The following NFATC2 variants were observed in gnomAD, a reference collection of about 807,000 sequenced individuals.
NFATC2 encodes the protein nuclear factor of activated T cells 2.
NFATC2 carries 22 observed loss-of-function variants against 87.3 expected under a neutral mutation model. The observed-to-expected ratio is 0.25, with a 90% CI of 0.18 to 0.36. The LOEUF (loss-of-function observed/expected upper bound fraction) is 0.36, where lower values mean the gene tolerates loss of function less well. Ranked by LOEUF, NFATC2 falls within the 10% of genes least tolerant of loss-of-function variation. The pLI, the probability that NFATC2 is intolerant of heterozygous loss-of-function variation, is 1.00. For missense variants in NFATC2, 1,149 were observed against 1,259.1 expected (o/e 0.91, Z 1.32); for synonymous variants, 565 against 542.2 (o/e 1.04, Z -0.58).
chr20:51,466,206 C>T (rs1359434555), intron 5 of NFATC2, among the ~76,000 whole-genome samples: 1 of 152,188 alleles, frequency 6.6e-6, no homozygotes, highest in Non-Finnish European at 1.5e-5. Flanking sequence ...GTGTGCACCA[C>T]CACACCTGGC....
intron 1 of NFATC2, among the ~76,000 whole-genome samples, chr20:51,533,582 C>A (rs181534666): frequency 6.6e-6 from 1 of 152,312 alleles, no homozygotes; most frequent in Non-Finnish European, 1.5e-5. Context: ...GTCCATGGAA[C>A]CACTGGAAAA....
At chr20:51,391,482 G>C (rs1430763028) in intron 10 of NFATC2, 31 bp from the exon 11 acceptor site, 3 of 1,549,260 alleles carry the variant, frequency 1.9e-6, no homozygotes, top group Admixed American at 1.7e-5. Context: ...GGGGGGGAGA[G>C]AGAATGGGGC....
rs890134991 is a variant in NFATC2 at position 51,401,567 on chromosome 20, C to T, written c.2723-2837G>A. On this transcript the variant is annotated intron_variant, in intron 9 of 10. Coordinates refer to ENST00000371564, the MANE Select transcript of NFATC2 (RefSeq NM_012340.5). ...GTTGTCAGTAATATGGAGATGCGGACGTCAAGAGAAAAGGCAGTATTTAGA... is the reference window on the plus strand; with the variant it reads ...GTTGTCAGTAATATGGAGATGCGGATGTCAAGAGAAAAGGCAGTATTTAGA... 7.2e-5 allele frequency among the ~76,000 whole-genome samples: 11 copies of T among 152,150 alleles called. No homozygotes were observed. The South Asian group carries it at 1.0e-3, about 14-fold the overall frequency.
Position 51,475,624 on chromosome 20 carries a change from G to C in NFATC2, c.1369C>G (p.Gln457Glu), listed in dbSNP as rs1988645759. 1 of 1,614,144 alleles carries C rather than the reference G, an allele frequency of 6.2e-7. No homozygotes were observed. ...TCATCAGCTGTCCCAATGAAGATCT[G>C]AAGTCCCAGAGGCTTGTTTTCCATG... is the stretch of plus-strand genomic sequence containing the variant. Reference protein sequence around the residue: ...GYMENKPLGLQIFIGTADERI... With the variant: ...GYMENKPLGLEIFIGTADERI... The change falls in exon 4 of 11, where the codon CAG becomes GAG. Residue 457 changes from glutamine to glutamate, a missense_variant. Physicochemically the swap from Gln to Glu is conservative, Grantham distance 29. Coordinates refer to ENST00000371564, the MANE Select transcript of NFATC2 (RefSeq NM_012340.5).
Position 51,432,524 on chromosome 20 carries a change from G to A in NFATC2, c.2265C>T (p.Ser755=), listed in dbSNP as rs775942784. ...QNPAAVLYQR[S]KSLSPSLLGY... ...CCAGCAGGCTGGGGCTCAGGCTCTTGCTCCGCTGGTAGAGTACGGCCGCTG... is the reference window on the plus strand; with the variant it reads ...CCAGCAGGCTGGGGCTCAGGCTCTTACTCCGCTGGTAGAGTACGGCCGCTG... The change falls in exon 9 of 11, where the codon AGC becomes AGT. Residue 755 remains serine (S), a synonymous_variant. Coordinates refer to ENST00000371564, the MANE Select transcript of NFATC2 (RefSeq NM_012340.5). The surrounding 1 kb of genome is among the most constrained non-coding windows in gnomAD (Gnocchi z 4.6). 1.9e-6 allele frequency: 3 copies of A among 1,557,126 alleles called. No individual in the cohort carries two copies. Among genetic ancestry groups the A allele is most frequent in the South Asian group, 2.5e-5 (2 of 81,494 alleles).
At chr20:51,397,995 A>G (rs1987447937) in intron 10 of NFATC2, among the ~76,000 whole-genome samples, 1 of 152,196 alleles carries the variant, frequency 6.6e-6, no homozygotes, top group Non-Finnish European at 1.5e-5. Context: ...CTTAGCGGCC[A>G]GGCTCCTCTG....
intron 9 of NFATC2, among the ~76,000 whole-genome samples, chr20:51,407,284 CTGCT>C (rs1326952220): frequency 6.6e-6 from 1 of 152,198 alleles, no homozygotes; most frequent in Non-Finnish European, 1.5e-5. Context: ...GTCCCCCAGC[CTGCT>C]TTTCTCTTCC....
intron 3 of NFATC2, among the ~76,000 whole-genome samples, chr20:51,484,098 T>G (rs1989502984): frequency 6.8e-6 from 1 of 147,530 alleles, no homozygotes. Flanking sequence ...CCCACCCTTC[T>G]TCCCTCCCTG....
At chr20:51,529,502 A>G (rs2076599000) in intron 1 of NFATC2, among the ~76,000 whole-genome samples, 1 of 152,130 alleles carries the variant, frequency 6.6e-6, no homozygotes, top group South Asian at 2.1e-4. Flanking sequence ...ATATTTCTCT[A>G]AGTCAGTGGC....
intron 5 of NFATC2, among the ~76,000 whole-genome samples, chr20:51,468,284 CTA>C (rs969839195): frequency 6.7e-6 from 1 of 149,368 alleles, no homozygotes; most frequent in Non-Finnish European, 1.5e-5. Flanking sequence ...CACCTACAAT[CTA>C]TGCAATCTAC....
At chr20:51,418,667 T>TTTTC (rs1478378964) in intron 9 of NFATC2, among the ~76,000 whole-genome samples, 1 of 147,034 alleles carries the variant, frequency 6.8e-6, no homozygotes, top group East Asian at 2.0e-4. Flanking sequence ...TGGTTTTTTT[T>TTTTC]TTTTTTTTTT....
chr20:51,402,705 A>G (rs1988180310), intron 9 of NFATC2, among the ~76,000 whole-genome samples: 1 of 152,202 alleles, frequency 6.6e-6, no homozygotes. Context: ...TGCTTATCCA[A>G]GAGAGATGGA....
intron 2 of NFATC2, among the ~76,000 whole-genome samples, chr20:51,517,980 C>T (rs770301014): frequency 1.3e-5 from 2 of 151,836 alleles, no homozygotes; most frequent in Admixed American, 6.6e-5. Flanking sequence ...ATATGGGGTC[C>T]ATCACTAACC....
intron 10 of NFATC2, among the ~76,000 whole-genome samples, chr20:51,393,748 C>T (rs1235534816): frequency 1.3e-5 from 2 of 152,150 alleles, no homozygotes; most frequent in Non-Finnish European, 2.9e-5. Flanking sequence ...TTCCAAAGGG[C>T]TTCCTGTTTT....
At chr20:51,491,771 A>G (rs2075888891) in intron 3 of NFATC2, among the ~76,000 whole-genome samples, 1 of 151,942 alleles carries the variant, frequency 6.6e-6, no homozygotes, top group Non-Finnish European at 1.5e-5. Flanking sequence ...GTTTAGGTGC[A>G]TAACTACTCA....
At chr20:51,405,299 C>T (rs555452481) in intron 9 of NFATC2, among the ~76,000 whole-genome samples, 1 of 152,272 alleles carries the variant, frequency 6.6e-6, no homozygotes, top group African/African-American at 2.4e-5. Context: ...ACATGCAACG[C>T]GAGGCCAACA....
chr20:51,435,891 G>T, intron 6 of NFATC2, 130 bp from the exon 7 acceptor site: 1 of 719,466 alleles, frequency 1.4e-6, no homozygotes. Context: ...GTGTCAATAT[G>T]TGCACGTGTG....
chr20:51,509,493 C>T (rs768210199), intron 3 of NFATC2, among the ~76,000 whole-genome samples: 9 of 152,024 alleles, frequency 5.9e-5, no homozygotes, highest in Non-Finnish European at 1.0e-4. Context: ...CTGAGTGACC[C>T]GGCCACCACC....
chr20:51,538,770 AG>A (rs963944692), intron 1 of NFATC2, among the ~76,000 whole-genome samples: 3 of 152,246 alleles, frequency 2.0e-5, no homozygotes, highest in African/African-American at 7.2e-5. Flanking sequence ...AACCTATTCA[AG>A]GCAGGTAACG....
Sources: allele counts gnomAD v4.1 joint callset (sites outside exome capture counted in the v4.1 genomes callset), GRCh38; gene constraint gnomAD v4.1.1; non-coding constraint Gnocchi (gnomAD v3.1); transcripts MANE v1.5; gene names NCBI Gene and HGNC (gene_info 2026-07-23, HGNC 2026-07-21).